The following ITPR1 variants were observed in gnomAD, a reference collection of about 807,000 sequenced individuals.
The protein encoded by ITPR1 is inositol 1,4,5-trisphosphate receptor type 1, also known as inositol 1,4,5-trisphosphate-gated calcium channel ITPR1.
In ITPR1, 96 loss-of-function variants were observed where a neutral mutation model predicts 318.4. The observed-to-expected ratio is 0.30, with a 90% CI of 0.26 to 0.36. The LOEUF is 0.36. Ranked by LOEUF, ITPR1 falls within the 10% of genes least tolerant of loss-of-function variation. The pLI, the probability that ITPR1 is intolerant of heterozygous loss-of-function variation, is 1.00. For missense variants in ITPR1, 2,440 were observed against 3,460.2 expected (o/e 0.71, Z 7.40); for synonymous variants, 1,312 against 1,289.9 (o/e 1.02, Z -0.37).
At chr3:4,589,526 A>G (rs925186838) in intron 4 of ITPR1, among the ~76,000 whole-genome samples, 1 of 152,134 alleles carries the variant, frequency 6.6e-6, no homozygotes, top group Non-Finnish European at 1.5e-5. Context: ...TTTGCAGGCA[A>G]TTGCAGTGTG....
At position 4,706,279 on chromosome 3, in the gene ITPR1, C is replaced by T. The variant is rs2094754854; in HGVS notation, c.4770C>T (p.Ala1590=). The change falls in exon 37 of 62, where the codon GCC becomes GCT. Residue 1590 remains alanine (A), a synonymous_variant. Coordinates refer to ENST00000649015, the MANE Select transcript of ITPR1 (RefSeq NM_001378452.1). ...CAGCCATGAACTGGCGGCTCTCAGC[C>T]CGCAATGCCGCACGCAGGGACTCTG... The part of the protein sequence containing the change: ...QKTAMNWRLS[A]RNAARRDSVL... The T allele has an allele frequency of 6.8e-6, 11 of 1,614,052 alleles. No homozygotes were observed. Among genetic ancestry groups the T allele is most frequent in the Non-Finnish European group, 8.5e-6 (10 of 1,179,890 alleles).
intron 4 of ITPR1, among the ~76,000 whole-genome samples, chr3:4,544,352 A>C (rs898339035): frequency 3.3e-5 from 5 of 152,346 alleles, no homozygotes; most frequent in African/African-American, 9.6e-5. Flanking sequence ...TCGACAGTAC[A>C]GGTAATGTAA....
At chr3:4,827,702 C>T (rs953157174) in intron 60 of ITPR1, among the ~76,000 whole-genome samples, 2 of 151,966 alleles carry the variant, frequency 1.3e-5, no homozygotes, top group African/African-American at 2.4e-5. Context: ...ATTCAGAGTG[C>T]GGATAGGAGT....
At chr3:4,568,905 G>A (rs548742771) in intron 4 of ITPR1, among the ~76,000 whole-genome samples, 6 of 152,162 alleles carry the variant, frequency 3.9e-5, no homozygotes, top group Non-Finnish European at 8.8e-5. Context: ...GCTGGCTTGT[G>A]CTTAGCTTTT....
chr3:4,719,269 G>A (rs566944749), intron 40 of ITPR1, among the ~76,000 whole-genome samples: 490 of 152,314 alleles, frequency 3.2e-3, no homozygotes, highest in Non-Finnish European at 3.6e-3. Flanking sequence ...CCCCTTCTGC[G>A]TTGTTCCCCT....
chr3:4,711,553 G>T, intron 38 of ITPR1: 2 of 545,752 alleles, frequency 3.7e-6, no homozygotes, highest in Non-Finnish European at 6.5e-6. Context: ...CCTGTTTGCT[G>T]TGATTTACCA....
chr3:4,517,395 T>A (rs1458823751), intron 3 of ITPR1, among the ~76,000 whole-genome samples: 1 of 152,142 alleles, frequency 6.6e-6, no homozygotes, highest in African/African-American at 2.4e-5. Context: ...TCAAATAAAT[T>A]GGGGGAAGGA....
chr3:4,539,029 A>G (rs1038080503), intron 4 of ITPR1, among the ~76,000 whole-genome samples: 2 of 152,166 alleles, frequency 1.3e-5, no homozygotes, highest in Non-Finnish European at 2.9e-5. Flanking sequence ...GTATTCCAGA[A>G]CTTAAGATTT....
At chr3:4,719,637 T>C (rs146516369) in intron 40 of ITPR1, among the ~76,000 whole-genome samples, 248 of 152,298 alleles carry the variant, frequency 1.6e-3, no homozygotes, top group African/African-American at 5.7e-3. Flanking sequence ...CGCCATGCTT[T>C]GATCATAAAG....
At chr3:4,653,280 C>G (rs565891135) in intron 11 of ITPR1, among the ~76,000 whole-genome samples, 13 of 152,260 alleles carry the variant, frequency 8.5e-5, no homozygotes, top group Non-Finnish European at 1.8e-4. Flanking sequence ...AAGGCTGGCT[C>G]TTAAGTGTGC....
intron 30 of ITPR1, among the ~76,000 whole-genome samples, chr3:4,685,705 G>A (rs556340715): frequency 3.9e-5 from 6 of 152,350 alleles, no homozygotes; most frequent in Admixed American, 2.6e-4. Context: ...GTTGCTGGAA[G>A]TTGTACTTTG....
At chr3:4,702,762 T>A in intron 35 of ITPR1, 68 bp from the exon 36 acceptor site, 1 of 1,530,142 alleles carries the variant, frequency 6.5e-7, no homozygotes, top group Non-Finnish European at 8.9e-7. Flanking sequence ...TCTCTGTCTC[T>A]GATCGGATCA....
chr3:4,638,250 A>G (rs2093249888), intron 5 of ITPR1, among the ~76,000 whole-genome samples: 1 of 152,248 alleles, frequency 6.6e-6, no homozygotes, highest in African/African-American at 2.4e-5. Context: ...CACTCTTATC[A>G]TCAGGGTTTT....
At chr3:4,613,761 T>A (rs963422238) in intron 4 of ITPR1, among the ~76,000 whole-genome samples, 4 of 152,190 alleles carry the variant, frequency 2.6e-5, no homozygotes, top group Non-Finnish European at 4.4e-5. Context: ...CATGGGGACA[T>A]GAAAAGCATT....
chr3:4,718,064 A>G (rs2041901227), intron 40 of ITPR1, among the ~76,000 whole-genome samples: 1 of 152,212 alleles, frequency 6.6e-6, no homozygotes, highest in South Asian at 2.1e-4. Flanking sequence ...TCCCGTACCC[A>G]GAATTACCAT....
chr3:4,733,962 C>T (rs532051273), intron 43 of ITPR1, among the ~76,000 whole-genome samples: 88 of 152,332 alleles, frequency 5.8e-4, no homozygotes, highest in Middle Eastern at 6.8e-3. Flanking sequence ...TGCCTGATTT[C>T]CTGTCTTATG....
chr3:4,633,425 G>A (rs1426305169), intron 5 of ITPR1, among the ~76,000 whole-genome samples: 1 of 152,158 alleles, frequency 6.6e-6, no homozygotes, highest in Non-Finnish European at 1.5e-5. Context: ...TCTCCAGTGG[G>A]TTTTCATTTT....
In ITPR1 at chr3:4,554,658, G is replaced by A. The variant is rs2085942740; in HGVS notation, c.163+33564G>A. On this transcript the variant is annotated intron_variant, in intron 4 of 61. Coordinates refer to ENST00000649015, the MANE Select transcript of ITPR1 (RefSeq NM_001378452.1). The stretch of plus-strand genomic sequence containing the variant: ...AGAGAGCAGATGGGCAGAGACTGAG[G>A]ACTGAGGTTTCAGTTAACCCGGTGG... 2.0e-5 allele frequency among the ~76,000 whole-genome samples: 3 copies of A among 151,612 alleles called. No individual in the cohort carries two copies. In the Admixed American group the frequency reaches 2.0e-4, roughly 10 times the overall value.
chr3:4,831,370 TG>T (rs2050497422), intron 60 of ITPR1: 2 of 252,602 alleles, frequency 7.9e-6, no homozygotes, highest in South Asian at 9.2e-5. Flanking sequence ...AGGAAGCACT[TG>T]CTGTGACGGG....
Sources: gnomAD v4.1 joint callset for allele counts (sites outside exome capture counted in the v4.1 genomes callset) on GRCh38, gnomAD v4.1.1 for gene constraint, MANE v1.5 for transcripts, NCBI Gene and HGNC (gene_info 2026-07-23, HGNC 2026-07-21) for gene names.